Variants in COBLL1 observed in about 807,000 individuals in gnomAD.
COBLL1 encodes the protein cordon-bleu WH2 repeat protein like 1, also known as cordon-bleu protein-like 1.
Under a neutral mutation model 94.8 loss-of-function variants are expected in COBLL1, and 50 were observed. The observed-to-expected ratio is 0.53, with a 90% CI of 0.42 to 0.67. The LOEUF is 0.67. Ranked by LOEUF, COBLL1 falls within the 30% of genes least tolerant of loss-of-function variation. The pLI is 0.00. For synonymous variants in COBLL1, 448 were observed against 473.8 expected, an observed-to-expected ratio of 0.95 and a Z score of 0.71; for missense variants, 1,362 against 1,348.7, an observed-to-expected ratio of 1.01 and a Z score of -0.15.
At chr2:164,838,073 G>A (rs1319615449) in intron 2 of COBLL1, among the ~76,000 whole-genome samples, 2 of 152,084 alleles carry the variant, frequency 1.3e-5, no homozygotes, top group African/African-American at 4.8e-5. Context: ...GTACAGTAGA[G>A]GCCAAAATGA....
downstream of COBLL1, among the ~76,000 whole-genome samples, chr2:164,679,059 C>G (rs1386739484): frequency 6.6e-6 from 1 of 152,130 alleles, no homozygotes; most frequent in Non-Finnish European, 1.5e-5. Flanking sequence ...ATCACCAGTC[C>G]CTTTACATCA....
intron 13 of COBLL1, among the ~76,000 whole-genome samples, chr2:164,688,947 A>G (rs1450168187): frequency 2.0e-5 from 3 of 152,160 alleles, no homozygotes; most frequent in Admixed American, 6.5e-5. Flanking sequence ...AAGTACTGAA[A>G]GCCAAAGTTG....
At chr2:164,835,558 T>C (rs1683281746) in intron 2 of COBLL1, among the ~76,000 whole-genome samples, 1 of 152,154 alleles carries the variant, frequency 6.6e-6, no homozygotes, top group African/African-American at 2.4e-5. Flanking sequence ...GAAGGAGTTA[T>C]AATGATGGAA....
intron 7 of COBLL1, among the ~76,000 whole-genome samples, chr2:164,718,487 A>G (rs1685288830): frequency 6.6e-6 from 1 of 152,226 alleles, no homozygotes; most frequent in Non-Finnish European, 1.5e-5. Context: ...CTGAGGAAAA[A>G]AAATATTTAG....
At chr2:164,668,204 T>C (rs1691194502) in intron 1 of COBLL1, among the ~76,000 whole-genome samples, 1 of 152,144 alleles carries the variant, frequency 6.6e-6, no homozygotes, top group South Asian at 2.1e-4. Context: ...CCTCAGGTGA[T>C]CTACCCGCCT....
chr2:164,839,598 T>C (rs1683488054), intron 2 of COBLL1, among the ~76,000 whole-genome samples: 2 of 152,200 alleles, frequency 1.3e-5, no homozygotes. Flanking sequence ...TGAAAGCAGG[T>C]ATGTTTTTCT....
At chr2:164,787,619 C>A (rs1237474811) in intron 2 of COBLL1, among the ~76,000 whole-genome samples, 1 of 152,092 alleles carries the variant, frequency 6.6e-6, no homozygotes, top group Non-Finnish European at 1.5e-5. Flanking sequence ...CTTTCCACTC[C>A]TGCATCCCTT....
At chr2:164,810,487 G>A (rs899390213) in intron 2 of COBLL1, among the ~76,000 whole-genome samples, 2 of 151,404 alleles carry the variant, frequency 1.3e-5, no homozygotes, top group Non-Finnish European at 3.0e-5. Flanking sequence ...TAGCAATATA[G>A]AAGTATTCAT....
intron 2 of COBLL1, among the ~76,000 whole-genome samples, chr2:164,804,726 A>T (rs992164737): frequency 6.6e-6 from 1 of 152,184 alleles, no homozygotes; most frequent in East Asian, 1.9e-4. Flanking sequence ...TTAGTTAATA[A>T]ATAATATAAT....
intron 2 of COBLL1, 91 bp from the exon 3 acceptor site, chr2:164,743,966 A>G (rs1686731536): frequency 1.1e-6 from 1 of 937,146 alleles, no homozygotes; most frequent in African/African-American, 1.7e-5. Context: ...ATGATCTAGT[A>G]GTGGTTTTTC....
At position 164,695,442 on chromosome 2, in the gene COBLL1, AG is replaced by A; in HGVS notation, c.1949del (p.Ser650LeufsTer2). The A allele has an allele frequency of 6.2e-7, 1 of 1,614,006 alleles. No homozygotes were observed. The highest frequency in any genetic ancestry group is 8.5e-7 in the Non-Finnish European group (1 of 1,179,958). ...TCCTGAATTCCCTTGAGGTATTTAC[AG>A]AATCTTGTGAACTTAAGCATGAGTG... ...TQHSCLSSQD[S>X]VNTSREFRSQ... On this transcript the variant is annotated frameshift_variant, in exon 12 of 14. Transcript: ENST00000652658. LOFTEE classifies it high-confidence loss of function.
chr2:164,690,683 G>A (rs1683546405), intron 13 of COBLL1, among the ~76,000 whole-genome samples: 1 of 152,102 alleles, frequency 6.6e-6, no homozygotes, highest in Admixed American at 6.6e-5. Context: ...TCTCCCATGG[G>A]CCTGATATAC....
chr2:164,766,112 A>T (rs1378644336), intron 2 of COBLL1, among the ~76,000 whole-genome samples: 2 of 152,150 alleles, frequency 1.3e-5, no homozygotes, highest in African/African-American at 4.8e-5. Context: ...GTGTTGTAGC[A>T]TATATCCATA....
At chr2:164,755,420 A>G (rs932685464) in intron 2 of COBLL1, among the ~76,000 whole-genome samples, 4 of 152,210 alleles carry the variant, frequency 2.6e-5, no homozygotes, top group African/African-American at 9.6e-5. Flanking sequence ...AGTATGTTCA[A>G]TTAATTCTTA....
intron 2 of COBLL1, among the ~76,000 whole-genome samples, chr2:164,751,511 AT>A (rs66960121): frequency 0.22 from 33,604 of 151,880 alleles, 4,135 homozygotes; most frequent in African/African-American, 0.33. Flanking sequence ...ATAAGAAGTC[AT>A]TCAAGTCATT....
chr2:164,705,217 G>T, intron 7 of COBLL1, 112 bp from the exon 8 acceptor site: 1 of 755,500 alleles, frequency 1.3e-6, no homozygotes, highest in Non-Finnish European at 1.9e-6. Context: ...GAACATAACA[G>T]TCATTCCTTA....
In COBLL1 at chr2:164,681,176, T is replaced by C. The variant is rs1683025850; in HGVS notation, c.*4770A>G. Reference sequence around the variant, plus strand: ...ATTGCACCTATTGCCACATTAATGCTGTATATAAACCAACCACAAACCTTG... The same window carrying C: ...ATTGCACCTATTGCCACATTAATGCCGTATATAAACCAACCACAAACCTTG... On this transcript the variant is annotated 3_prime_UTR_variant, in exon 14 of 14. Transcript: ENST00000652658. 6.6e-6 allele frequency: 1 copy of C among 152,160 alleles called. No homozygotes were observed. The highest frequency in any genetic ancestry group is 2.4e-5 in the African/African-American group (1 of 41,420). 9.4% of individuals were successfully genotyped at this position (152,160 alleles called of 1,614,324 possible). A position where few individuals can be genotyped will look rare whatever the true frequency, so the allele number is the denominator to read the frequency against.
At chr2:164,687,642 G>A in intron 13 of COBLL1, 1 of 934,110 alleles carries the variant, frequency 1.1e-6, no homozygotes, top group Non-Finnish European at 1.7e-6. Flanking sequence ...ACATCTGAAA[G>A]GCCTATTATC....
intron 2 of COBLL1, among the ~76,000 whole-genome samples, chr2:164,821,167 A>AT (rs1481572940): frequency 5.9e-5 from 9 of 152,114 alleles, no homozygotes; most frequent in Non-Finnish European, 2.9e-5. Flanking sequence ...GATTACAGGC[A>AT]TGAGCCACTG....
Sources: allele counts gnomAD v4.1 joint callset (sites outside exome capture counted in the v4.1 genomes callset), GRCh38; gene constraint gnomAD v4.1.1; transcripts MANE v1.5; gene names NCBI Gene and HGNC (gene_info 2026-07-23, HGNC 2026-07-21).